Variants in EEFSEC observed in about 807,000 individuals in gnomAD.
EEFSEC encodes the protein selenocysteine-specific elongation factor.
EEFSEC carries 43 observed loss-of-function variants against 42.1 expected under a neutral mutation model. The ratio of observed to expected loss-of-function variants is 1.02; its 90% CI spans 0.80 to 1.32. The LOEUF is 1.32. Among genes scored for constraint, EEFSEC ranks in the 40% most tolerant of loss-of-function variants. EEFSEC has a pLI of 0.00. For missense variants in EEFSEC, 745 were observed against 803.6 expected, an observed-to-expected ratio of 0.93 and a Z score of 0.88; for synonymous variants, 354 against 339.1, an observed-to-expected ratio of 1.04 and a Z score of -0.48.
At chr3:128,372,095 G>T (rs562094904) in intron 6 of EEFSEC, among the ~76,000 whole-genome samples, 2 of 152,332 alleles carry the variant, frequency 1.3e-5, no homozygotes, top group African/African-American at 4.8e-5. Flanking sequence ...GGGAAAATTT[G>T]TATTTTTCCA....
At chr3:128,193,826 C>T (rs1230659038) in intron 1 of EEFSEC, among the ~76,000 whole-genome samples, 4 of 152,216 alleles carry the variant, frequency 2.6e-5, no homozygotes, top group African/African-American at 9.7e-5. Context: ...GCCTTCCTCC[C>T]TCCAGAGGAG....
intron 4 of EEFSEC, among the ~76,000 whole-genome samples, chr3:128,305,068 G>A (rs989863663): frequency 4.0e-5 from 6 of 151,846 alleles, no homozygotes; most frequent in African/African-American, 1.2e-4. Flanking sequence ...ATGGCTTTTC[G>A]ATCTCATTTA....
chr3:128,242,246 G>T (rs887400048), intron 1 of EEFSEC, among the ~76,000 whole-genome samples: 2 of 152,060 alleles, frequency 1.3e-5, no homozygotes, highest in African/African-American at 4.8e-5. Context: ...TTGAGCCCAG[G>T]AATTCAAGGC....
intron 1 of EEFSEC, among the ~76,000 whole-genome samples, chr3:128,194,318 T>C (rs752496562): frequency 2.6e-5 from 4 of 152,226 alleles, no homozygotes; most frequent in Non-Finnish European, 4.4e-5. Context: ...TGTGCTGTCC[T>C]GAGGCCATTG....
At chr3:128,374,321 C>T (rs2067686554) in intron 6 of EEFSEC, among the ~76,000 whole-genome samples, 1 of 151,958 alleles carries the variant, frequency 6.6e-6, no homozygotes, top group Non-Finnish European at 1.5e-5. Context: ...TGCTTGTAGA[C>T]TTGTGTAAGC....
intron 4 of EEFSEC, among the ~76,000 whole-genome samples, chr3:128,290,111 T>A (rs1160437657): frequency 6.6e-6 from 1 of 152,244 alleles, no homozygotes; most frequent in African/African-American, 2.4e-5. Flanking sequence ...TTTTCTTTTA[T>A]GGCTTATGCC....
At chr3:128,354,037 G>C (rs768325933) in intron 5 of EEFSEC, among the ~76,000 whole-genome samples, 6 of 152,138 alleles carry the variant, frequency 3.9e-5, no homozygotes, top group Non-Finnish European at 8.8e-5. Flanking sequence ...GCCATGCCCA[G>C]AGTGCCAGTG....
intron 1 of EEFSEC, among the ~76,000 whole-genome samples, chr3:128,208,104 T>C (rs1048185494): frequency 2.0e-5 from 3 of 152,184 alleles, no homozygotes; most frequent in Admixed American, 6.5e-5. Flanking sequence ...CTACAGGAAG[T>C]TGGATTTTGG....
intron 4 of EEFSEC, among the ~76,000 whole-genome samples, chr3:128,273,617 C>G (rs1042567777): frequency 2.0e-5 from 3 of 152,232 alleles, no homozygotes; most frequent in Non-Finnish European, 4.4e-5. Flanking sequence ...GAGTCCTGAC[C>G]TGCAGTCAGC....
chr3:128,382,428 C>T (rs553722324), intron 6 of EEFSEC, among the ~76,000 whole-genome samples: 2 of 152,116 alleles, frequency 1.3e-5, no homozygotes, highest in African/African-American at 2.4e-5. Flanking sequence ...CATGCAGGTG[C>T]GCCTACGTCT....
intron 1 of EEFSEC, among the ~76,000 whole-genome samples, chr3:128,163,508 A>T (rs957683589): frequency 6.6e-6 from 1 of 152,062 alleles, no homozygotes; most frequent in Admixed American, 6.5e-5. Flanking sequence ...TGTTTATATA[A>T]TTTTTTAAAA....
intron 6 of EEFSEC, among the ~76,000 whole-genome samples, chr3:128,403,976 C>T (rs539830967): frequency 2.0e-5 from 3 of 152,356 alleles, no homozygotes; most frequent in South Asian, 4.1e-4. Context: ...GCATTCACCA[C>T]TATTTATCTC....
chr3:128,161,468 C>T (rs979418249), intron 1 of EEFSEC, among the ~76,000 whole-genome samples: 5 of 152,128 alleles, frequency 3.3e-5, no homozygotes, highest in Non-Finnish European at 5.9e-5. Context: ...GGACCTCTTG[C>T]CTTCTGTACA....
intron 4 of EEFSEC, among the ~76,000 whole-genome samples, chr3:128,277,332 G>A (rs2066479086): frequency 6.6e-6 from 1 of 152,100 alleles, no homozygotes; most frequent in Admixed American, 6.5e-5. Flanking sequence ...ATGGGGAAAG[G>A]GCCAATGAGA....
At chr3:128,231,206 C>T (rs1219828223) in intron 1 of EEFSEC, among the ~76,000 whole-genome samples, 1 of 152,180 alleles carries the variant, frequency 6.6e-6, no homozygotes, top group Non-Finnish European at 1.5e-5. Flanking sequence ...TTGCTTGGCA[C>T]TGTGGCCAGC....
intron 3 of EEFSEC, among the ~76,000 whole-genome samples, chr3:128,264,067 G>T (rs994353357): frequency 3.3e-5 from 5 of 152,210 alleles, no homozygotes; most frequent in African/African-American, 1.2e-4. Context: ...TGGCCATACA[G>T]AGAAGCCTGT....
chr3:128,298,771 C>T (rs965356594), intron 4 of EEFSEC, among the ~76,000 whole-genome samples: 2 of 152,246 alleles, frequency 1.3e-5, no homozygotes, highest in Non-Finnish European at 2.9e-5. Flanking sequence ...AATCCACTCT[C>T]TACCTCCATG....
At chr3:128,239,145 G>T (rs2066043841) in intron 1 of EEFSEC, among the ~76,000 whole-genome samples, 3 of 152,224 alleles carry the variant, frequency 2.0e-5, no homozygotes, top group South Asian at 4.1e-4. Flanking sequence ...CTGTTGGCTG[G>T]CACTTACCAA....
chr3:128,310,317 C>T (rs1349071467), intron 4 of EEFSEC, among the ~76,000 whole-genome samples: 1 of 152,226 alleles, frequency 6.6e-6, no homozygotes, highest in African/African-American at 2.4e-5. Context: ...CAAGGGGCCA[C>T]ATACAACCAT....
Sources: gnomAD v4.1 joint callset for allele counts (sites outside exome capture counted in the v4.1 genomes callset) on GRCh38, gnomAD v4.1.1 for gene constraint, MANE v1.5 for transcripts, NCBI Gene and HGNC (gene_info 2026-07-23, HGNC 2026-07-21) for gene names.